RASSF3: variants seen among roughly 807,000 people sequenced by gnomAD.
The protein encoded by RASSF3 is ras association domain-containing protein 3.
Under a neutral mutation model 19.9 loss-of-function variants are expected in RASSF3, and 19 were observed. The observed-to-expected ratio is 0.96, with a 90% CI of 0.67 to 1.40. RASSF3 has a LOEUF of 1.40. Ranked by LOEUF, RASSF3 falls within the 40% of genes most tolerant of loss-of-function variation. The pLI, the probability that RASSF3 is intolerant of heterozygous loss-of-function variation, is 0.00. For synonymous variants in RASSF3, 110 were observed against 104.2 expected (o/e 1.06, Z -0.34); for missense variants, 306 against 289.8 (o/e 1.06, Z -0.41).
upstream of RASSF3, among the ~76,000 whole-genome samples, chr12:64,609,776 C>T (rs1465119946): frequency 6.6e-6 from 1 of 152,096 alleles, no homozygotes; most frequent in Non-Finnish European, 1.5e-5. Context: ...CTCGATTGTT[C>T]TGTAACTATA....
upstream of RASSF3, among the ~76,000 whole-genome samples, chr12:64,606,228 G>T (rs1356511639): frequency 6.6e-6 from 1 of 152,178 alleles, no homozygotes; most frequent in Non-Finnish European, 1.5e-5. Context: ...CTGGCAAGGG[G>T]AATGGGACCA....
intron 2 of RASSF3, among the ~76,000 whole-genome samples, chr12:64,559,976 G>C (rs1277414488): frequency 6.6e-6 from 1 of 152,228 alleles, no homozygotes; most frequent in East Asian, 1.9e-4. Context: ...ATTGGGGGCA[G>C]CTCCTGAGAG....
upstream of RASSF3, among the ~76,000 whole-genome samples, chr12:64,609,072 A>G (rs939148238): frequency 2.0e-5 from 3 of 152,142 alleles, no homozygotes; most frequent in Non-Finnish European, 2.9e-5. Context: ...GCAGGTTTGC[A>G]AGCCTTCTTT....
At chr12:64,632,816 T>C (rs1338537338) in intron 1 of RASSF3, among the ~76,000 whole-genome samples, 2 of 152,080 alleles carry the variant, frequency 1.3e-5, no homozygotes, top group Non-Finnish European at 2.9e-5. Context: ...TCATCATCCT[T>C]GAATTGGAAG....
intron 1 of RASSF3, among the ~76,000 whole-genome samples, chr12:64,615,876 T>C (rs552022426): frequency 7.2e-5 from 11 of 152,224 alleles, no homozygotes; most frequent in African/African-American, 2.6e-4. Flanking sequence ...GCTTTCACCA[T>C]GTTGGGCAAA....
chr12:64,595,064 C>CTTTTTTTT (rs1171762487), intron 2 of RASSF3, among the ~76,000 whole-genome samples: 24 of 90,950 alleles, frequency 2.6e-4, no homozygotes, highest in East Asian at 6.9e-4. Context: ...CATATGAAAT[C>CTTTTTTTT]TTTTTTTTTT....
chr12:64,668,275 T>G (rs1328097289), intron 1 of RASSF3, among the ~76,000 whole-genome samples: 1 of 152,134 alleles, frequency 6.6e-6, no homozygotes, highest in South Asian at 2.1e-4. Context: ...CTTCTTCTTT[T>G]TTTTTTTTTC....
At chr12:64,686,662 C>T (rs1276746242) in intron 2 of RASSF3, among the ~76,000 whole-genome samples, 1 of 137,556 alleles carries the variant, frequency 7.3e-6, no homozygotes, top group Non-Finnish European at 1.6e-5. Context: ...CCCCATCTCT[C>T]CTAAAAATAG....
chr12:64,606,737 C>T (rs539498724), upstream of RASSF3, among the ~76,000 whole-genome samples: 2 of 152,180 alleles, frequency 1.3e-5, no homozygotes, highest in East Asian at 3.9e-4. Context: ...ATCGCTTGAA[C>T]CCGGGAGGCA....
At chr12:64,685,540 G>A (rs1873315801) in intron 2 of RASSF3, among the ~76,000 whole-genome samples, 1 of 152,096 alleles carries the variant, frequency 6.6e-6, no homozygotes. Context: ...AAGCCCCTAA[G>A]TTTTTGTCTT....
At chr12:64,685,688 G>A (rs1046993482) in intron 2 of RASSF3, among the ~76,000 whole-genome samples, 2 of 152,324 alleles carry the variant, frequency 1.3e-5, no homozygotes, top group Non-Finnish European at 2.9e-5. Context: ...CTTCCACGTC[G>A]CTGTCGCAGG....
chr12:64,531,560 C>T (rs908343452), upstream of RASSF3, among the ~76,000 whole-genome samples: 1 of 152,168 alleles, frequency 6.6e-6, no homozygotes, highest in African/African-American at 2.4e-5. Flanking sequence ...ATTTTTTTAA[C>T]CTCACTTTTT....
At chr12:64,619,764 G>C (rs370187203) in intron 1 of RASSF3, among the ~76,000 whole-genome samples, 3 of 151,990 alleles carry the variant, frequency 2.0e-5, no homozygotes, top group African/African-American at 7.2e-5. Flanking sequence ...GGCGGATCAC[G>C]AGGTCGGGAG....
At chr12:64,660,118 A>G (rs929221542) in intron 1 of RASSF3, among the ~76,000 whole-genome samples, 16 of 149,936 alleles carry the variant, frequency 1.1e-4, no homozygotes, top group African/African-American at 2.4e-4. Flanking sequence ...GGCACGCACT[A>G]TGTTGCCCAG....
chr12:64,571,383 G>A (rs1444018655), intron 2 of RASSF3, among the ~76,000 whole-genome samples: 3 of 152,076 alleles, frequency 2.0e-5, no homozygotes, highest in Non-Finnish European at 4.4e-5. Flanking sequence ...GAATCATGAG[G>A]CTACCTGGCC....
chr12:64,579,052 AG>A (rs1869642981), intron 2 of RASSF3, among the ~76,000 whole-genome samples: 1 of 151,838 alleles, frequency 6.6e-6, no homozygotes, highest in African/African-American at 2.4e-5. Context: ...GCTTGAACCC[AG>A]GATGCAGAGG....
intron 2 of RASSF3, among the ~76,000 whole-genome samples, chr12:64,578,473 G>A (rs953764042): frequency 5.3e-5 from 8 of 152,080 alleles, no homozygotes; most frequent in African/African-American, 1.7e-4. Context: ...AGGCAATATA[G>A]CAAGACCCTG....
At chr12:64,673,142 C>G (rs945585434) in intron 1 of RASSF3, among the ~76,000 whole-genome samples, 3 of 152,154 alleles carry the variant, frequency 2.0e-5, no homozygotes, top group Admixed American at 2.0e-4. Context: ...CAAACTTTGA[C>G]CTTAATAAAA....
chr12:64,590,120 T>C (rs1385983131), intron 2 of RASSF3, among the ~76,000 whole-genome samples: 3 of 150,218 alleles, frequency 2.0e-5, no homozygotes, highest in Admixed American at 6.7e-5. Flanking sequence ...ACCTGTAGTC[T>C]CAGCTATTCT....
Sources: gnomAD v4.1 joint callset for allele counts (sites outside exome capture counted in the v4.1 genomes callset) on GRCh38, gnomAD v4.1.1 for gene constraint, MANE v1.5 for transcripts, NCBI Gene and HGNC (gene_info 2026-07-23, HGNC 2026-07-21) for gene names.